The following VPS54 variants were observed in gnomAD, a reference collection of about 807,000 sequenced individuals.
VPS54 encodes vacuolar protein sorting-associated protein 54.
Under a neutral mutation model 121.5 loss-of-function variants are expected in VPS54, and 45 were observed. The observed-to-expected ratio is 0.37, with a 90% CI of 0.29 to 0.47. The LOEUF (loss-of-function observed/expected upper bound fraction) is 0.47, where lower values mean the gene tolerates loss of function less well. VPS54 is among the 20% of genes least tolerant of loss of function. The pLI is 0.99. For synonymous variants in VPS54, 371 were observed against 385.8 expected, an observed-to-expected ratio of 0.96 and a Z score of 0.45; for missense variants, 1,090 against 1,131.4, an observed-to-expected ratio of 0.96 and a Z score of 0.52.
intron 20 of VPS54, among the ~76,000 whole-genome samples, chr2:63,905,014 C>T (rs1004960438): frequency 6.6e-6 from 1 of 151,914 alleles, no homozygotes; most frequent in African/African-American, 2.4e-5. Context: ...AAAATAAAAG[C>T]ACAAAGTATC....
intron 21 of VPS54, among the ~76,000 whole-genome samples, chr2:63,898,068 TAAC>T (rs1289938860): frequency 4.6e-5 from 7 of 152,190 alleles, no homozygotes; most frequent in African/African-American, 1.7e-4. Context: ...TTTTGTGAAA[TAAC>T]ATTTTCTGTG....
chr2:63,986,219 ATTCT>A (rs1395986907), intron 1 of VPS54, among the ~76,000 whole-genome samples: 34 of 152,120 alleles, frequency 2.2e-4, no homozygotes, highest in Admixed American at 1.8e-3. Flanking sequence ...GGTCTTATTC[ATTCT>A]TTCTATTTTT....
chr2:63,983,352 T>C (rs1443429348), intron 2 of VPS54, among the ~76,000 whole-genome samples: 1 of 151,756 alleles, frequency 6.6e-6, no homozygotes, highest in Non-Finnish European at 1.5e-5. Flanking sequence ...AGGCTGATGT[T>C]GAACTCCCTC....
intron 21 of VPS54, 67 bp from the exon 22 acceptor site, chr2:63,897,657 ATTAT>A: frequency 1.0e-6 from 1 of 959,610 alleles, no homozygotes; most frequent in South Asian, 1.6e-5. Flanking sequence ...AGTTATCAAT[ATTAT>A]TTAGAGAAAG....
At chr2:63,972,106 G>C in intron 4 of VPS54, 60 bp downstream of exon 4, 4 of 1,153,054 alleles carry the variant, frequency 3.5e-6, no homozygotes, top group Non-Finnish European at 4.7e-6. Context: ...CCAAAATAAA[G>C]ATTTTGTTCA....
intron 3 of VPS54, among the ~76,000 whole-genome samples, chr2:63,979,691 T>C (rs1676718094): frequency 6.6e-6 from 1 of 152,232 alleles, no homozygotes; most frequent in African/African-American, 2.4e-5. Flanking sequence ...TTCATTTCCA[T>C]TCAGTTCAAA....
chr2:63,936,392 G>A (rs532890111), intron 11 of VPS54, among the ~76,000 whole-genome samples: 2 of 152,178 alleles, frequency 1.3e-5, no homozygotes, highest in Admixed American at 1.3e-4. Flanking sequence ...TTTACTTTCT[G>A]AACTATTACA....
intron 1 of VPS54, among the ~76,000 whole-genome samples, chr2:64,015,671 G>T (rs1678650912): frequency 6.6e-6 from 1 of 152,164 alleles, no homozygotes; most frequent in Non-Finnish European, 1.5e-5. Flanking sequence ...CGTCCTCGCA[G>T]AGCCATTGTT....
chr2:63,910,529 G>C (rs1373905074), intron 20 of VPS54, among the ~76,000 whole-genome samples: 1 of 152,068 alleles, frequency 6.6e-6, no homozygotes, highest in African/African-American at 2.4e-5. Context: ...ATGATTTTGA[G>C]GAATTATCAA....
intron 12 of VPS54, among the ~76,000 whole-genome samples, chr2:63,931,690 A>C (rs1021262453): frequency 6.6e-6 from 1 of 152,236 alleles, no homozygotes; most frequent in Non-Finnish European, 1.5e-5. Flanking sequence ...CTGCACAGCA[A>C]AAGAAACTAT....
intron 20 of VPS54, among the ~76,000 whole-genome samples, chr2:63,903,155 A>C (rs1199785280): frequency 6.6e-6 from 1 of 152,214 alleles, no homozygotes; most frequent in Admixed American, 6.5e-5. Flanking sequence ...TCAAAAACAC[A>C]CAGAACTTAG....
intron 11 of VPS54, among the ~76,000 whole-genome samples, chr2:63,937,863 A>AC (rs1674521823): frequency 6.6e-6 from 1 of 152,182 alleles, no homozygotes; most frequent in African/African-American, 2.4e-5. Flanking sequence ...CACAGATGGC[A>AC]CCTTGAGGAC....
intron 13 of VPS54, 126 bp downstream of exon 13, chr2:63,921,080 A>G (rs1673619760): frequency 1.9e-6 from 2 of 1,027,058 alleles, no homozygotes; most frequent in South Asian, 5.0e-5. Flanking sequence ...CATCAGTGGT[A>G]ACACTGACTT....
intron 3 of VPS54, among the ~76,000 whole-genome samples, chr2:63,974,674 CTTCA>C (rs1676438054): frequency 6.6e-6 from 1 of 152,078 alleles, no homozygotes; most frequent in Non-Finnish European, 1.5e-5. Context: ...TACATAAAGC[CTTCA>C]TTTTCTTTGA....
intron 9 of VPS54, among the ~76,000 whole-genome samples, chr2:63,945,752 A>C (rs1674950146): frequency 6.6e-6 from 1 of 152,204 alleles, no homozygotes; most frequent in African/African-American, 2.4e-5. Flanking sequence ...TATAATACTT[A>C]GGAACAAGGT....
chr2:63,916,612 G>C (rs1009790502), intron 16 of VPS54, among the ~76,000 whole-genome samples: 1 of 152,054 alleles, frequency 6.6e-6, no homozygotes, highest in Non-Finnish European at 1.5e-5. Flanking sequence ...ATAATATCAT[G>C]GATCCACTAC....
At chr2:63,989,706 C>T (rs182588149) in intron 1 of VPS54, among the ~76,000 whole-genome samples, 6 of 152,232 alleles carry the variant, frequency 3.9e-5, no homozygotes, top group Non-Finnish European at 8.8e-5. Flanking sequence ...AGGTTAACTA[C>T]GGGTCACACG....
intron 5 of VPS54, among the ~76,000 whole-genome samples, chr2:63,966,853 A>G (rs1676024983): frequency 6.6e-6 from 1 of 152,224 alleles, no homozygotes; most frequent in African/African-American, 2.4e-5. Context: ...GTGTATTAAT[A>G]CATAAAGTAT....
chr2:63,957,991 T>G (rs903282856), intron 7 of VPS54, among the ~76,000 whole-genome samples: 9 of 152,046 alleles, frequency 5.9e-5, no homozygotes, highest in African/African-American at 2.2e-4. Flanking sequence ...TATAGTCATA[T>G]AGATTATAAA....
Sources: allele counts gnomAD v4.1 joint callset (sites outside exome capture counted in the v4.1 genomes callset), GRCh38; gene constraint gnomAD v4.1.1; transcripts MANE v1.5; gene names NCBI Gene and HGNC (gene_info 2026-07-23, HGNC 2026-07-21).